Variants in TRDN observed in about 807,000 individuals in gnomAD.
The protein encoded by TRDN is triadin in skeletal muscle.
In TRDN, 161 loss-of-function variants were observed where a neutral mutation model predicts 149.7. That is an observed-to-expected ratio of 1.08 (90% CI 0.95 to 1.23). TRDN has a LOEUF of 1.23. Among genes scored for constraint, TRDN ranks in the 50% most tolerant of loss-of-function variants. The probability of loss-of-function intolerance (pLI) is 0.00; values close to 1 mark genes in which losing one functional copy is unlikely to be tolerated. For missense variants in TRDN, 896 were observed against 823.5 expected (o/e 1.09, Z -1.08); for synonymous variants, 294 against 250.5 (o/e 1.17, Z -1.64).
intron 4 of TRDN, among the ~76,000 whole-genome samples, chr6:123,537,688 A>T (rs1451663097): frequency 2.0e-5 from 3 of 152,308 alleles, no homozygotes; most frequent in South Asian, 4.1e-4. Flanking sequence ...CTCAACTTCC[A>T]TATGTAACTG....
At position 123,273,332 on chromosome 6, in the gene TRDN, C is replaced by A; in HGVS notation, c.1624+5G>T. Reference sequence around the variant, plus strand: ...CTAAGCATAAAAGATAAAATTAATACATACTGTGTATTTGCACTTTTTCAG... The same window carrying A: ...CTAAGCATAAAAGATAAAATTAATAAATACTGTGTATTTGCACTTTTTCAG... On this transcript the variant is annotated splice_donor_5th_base_variant and intron_variant, in intron 28 of 40. Transcript: ENST00000334268. 2 of 1,068,488 alleles carry A rather than the reference C, an allele frequency of 1.9e-6. No homozygotes were observed. Among genetic ancestry groups the A allele is most frequent in the Non-Finnish European group, 2.5e-6 (2 of 790,256 alleles). The allele number at this position is 1,068,488 out of a possible 1,614,324, so 66.2% of individuals were successfully genotyped here. A position where few individuals can be genotyped will look rare whatever the true frequency, so the allele number is the denominator to read the frequency against.
Position 123,260,657 on chromosome 6 carries a change from A to AG in TRDN, c.1805-20_1805-19insC. 6.9e-7 allele frequency: 1 copy of AG among 1,457,916 alleles called. No homozygotes were observed. The highest frequency in any genetic ancestry group is 9.1e-7 in the Non-Finnish European group (1 of 1,099,600). The allele number at this position is 1,457,916 out of a possible 1,614,324, so 90.3% of individuals were successfully genotyped here. A position where few individuals can be genotyped will look rare whatever the true frequency, so the allele number is the denominator to read the frequency against. On this transcript the variant is annotated intron_variant, in intron 33 of 40. Transcript: ENST00000334268. ...GTTCCTTCTTTAGAAAAAAAAAAAA[A>AG]AAGAATGTAGAAAGAAAGGAAAAAA...
chr6:123,316,422 T>A (rs370132069), intron 24 of TRDN, 35 bp downstream of exon 24: 1 of 1,591,704 alleles, frequency 6.3e-7, no homozygotes, highest in Non-Finnish European at 8.6e-7. Context: ...AAACAGAACA[T>A]CTCCTTGTAT....
chr6:123,350,907 T>C (rs1231735844), intron 21 of TRDN: 1 of 984,590 alleles, frequency 1.0e-6, no homozygotes, highest in African/African-American at 1.7e-5. Flanking sequence ...AGATCCTATC[T>C]CTAAGAACCA....
intron 2 of TRDN, among the ~76,000 whole-genome samples, chr6:123,556,538 T>C (rs1781665456): frequency 6.6e-6 from 1 of 152,002 alleles, no homozygotes; most frequent in African/African-American, 2.4e-5. Context: ...TATAATTTTT[T>C]CCTGTTCTTT....
Position 123,548,562 on chromosome 6 carries a change from C to G in TRDN, c.283G>C (p.Ala95Pro). 1 of 1,563,004 alleles carries G rather than the reference C, an allele frequency of 6.4e-7. No homozygotes were observed. The highest frequency in any genetic ancestry group is 8.7e-7 in the Non-Finnish European group (1 of 1,153,248). Reference protein sequence around the residue: ...GSDPLKLVRDAMEETTDWIYG... With the variant: ...GSDPLKLVRDPMEETTDWIYG... ...ATCCAGTCCGTGGTTTCCTCCATAG[C>G]ATCACGTACCAGTTTTAAAGGATCT... is the stretch of plus-strand genomic sequence containing the variant. The change falls in exon 3 of 41, where the codon GCT becomes CCT. Residue 95 changes from alanine (A) to proline (P), a missense_variant. By Grantham distance (27) the Ala-to-Pro change is conservative (BLOSUM62 -1). Transcript: ENST00000334268.
chr6:123,457,732 CA>C, intron 10 of TRDN: 1 of 199,974 alleles, frequency 5.0e-6, no homozygotes, highest in Non-Finnish European at 1.0e-5. Context: ...AGCCCTAGTA[CA>C]GTGTTTCAGT....
intron 24 of TRDN, among the ~76,000 whole-genome samples, chr6:123,312,423 A>G (rs1225013322): frequency 5.9e-5 from 9 of 151,874 alleles, no homozygotes; most frequent in Admixed American, 4.6e-4. Context: ...ATCATAGTAA[A>G]TATATTTTAT....
intron 2 of TRDN, among the ~76,000 whole-genome samples, chr6:123,567,614 AG>A (rs1782359038): frequency 6.6e-6 from 1 of 151,806 alleles, no homozygotes; most frequent in Non-Finnish European, 1.5e-5. Flanking sequence ...GGATGGCTAG[AG>A]GAGGAGCAAG....
chr6:123,599,004 G>A (rs190378402), intron 1 of TRDN, among the ~76,000 whole-genome samples: 13 of 151,980 alleles, frequency 8.6e-5, no homozygotes, highest in African/African-American at 3.1e-4. Flanking sequence ...TCTGCACCTC[G>A]GTGTTCTCTA....
intron 18 of TRDN, 96 bp downstream of exon 18, chr6:123,377,620 C>T (rs991104883): frequency 5.7e-6 from 8 of 1,408,536 alleles, no homozygotes; most frequent in Admixed American, 3.7e-5. Context: ...CATTCCCCAC[C>T]CTTTACTGGC....
At chr6:123,254,784 C>T (rs943613266) in intron 37 of TRDN, among the ~76,000 whole-genome samples, 6 of 151,876 alleles carry the variant, frequency 4.0e-5, no homozygotes, top group African/African-American at 1.4e-4. Flanking sequence ...TACCATATTA[C>T]TTTTGACATT....
At chr6:123,557,280 C>T (rs935045135) in intron 2 of TRDN, among the ~76,000 whole-genome samples, 7 of 152,204 alleles carry the variant, frequency 4.6e-5, no homozygotes, top group East Asian at 1.9e-4. Context: ...TGCCGTGACT[C>T]GGATCGGGGG....
At chr6:123,282,035 G>A (rs1777603915) in intron 24 of TRDN, among the ~76,000 whole-genome samples, 1 of 151,670 alleles carries the variant, frequency 6.6e-6, no homozygotes, top group South Asian at 2.1e-4. Context: ...AATATGACTA[G>A]CGTTATGATC....
chr6:123,241,371 T>C (rs1775982597), intron 38 of TRDN, among the ~76,000 whole-genome samples: 1 of 151,434 alleles, frequency 6.6e-6, no homozygotes, highest in African/African-American at 2.4e-5. Context: ...ACTAAACATG[T>C]AAATTCAGAA....
chr6:123,435,537 A>ACACAGACACACACAAT (rs1774522013), intron 12 of TRDN, among the ~76,000 whole-genome samples: 1 of 151,180 alleles, frequency 6.6e-6, no homozygotes, highest in Non-Finnish European at 1.5e-5. Context: ...ACACACACAA[A>ACACAGACACACACAAT]CACAAACACA....
At chr6:123,602,193 TCAAC>T (rs1784312264) in intron 1 of TRDN, among the ~76,000 whole-genome samples, 1 of 151,978 alleles carries the variant, frequency 6.6e-6, no homozygotes, top group Admixed American at 6.6e-5. Context: ...TAAATGCCCA[TCAAC>T]CAACAAATGA....
intron 34 of TRDN, 94 bp from the exon 35 acceptor site, chr6:123,259,756 C>A: frequency 1.2e-6 from 1 of 851,704 alleles, no homozygotes. Flanking sequence ...GAGACTTAAT[C>A]TTATGAGTGG....
chr6:123,382,185 C>A (rs1379083598), intron 14 of TRDN, 38 bp from the exon 15 acceptor site: 9 of 1,405,508 alleles, frequency 6.4e-6, no homozygotes, highest in Non-Finnish European at 8.6e-6. Flanking sequence ...AAAACAGATA[C>A]AATAAATCAA....
Sources: gnomAD v4.1 joint callset for allele counts (sites outside exome capture counted in the v4.1 genomes callset) on GRCh38, gnomAD v4.1.1 for gene constraint, MANE v1.5 for transcripts, NCBI Gene and HGNC (gene_info 2026-07-23, HGNC 2026-07-21) for gene names.